HMGCLL1: variants seen among roughly 807,000 people sequenced by gnomAD.
HMGCLL1 encodes 3-hydroxy-3-methylglutaryl-CoA lyase like 1, also known as 3-hydroxymethyl-3-methylglutaryl-CoA lyase, cytoplasmic.
HMGCLL1 carries 36 observed loss-of-function variants against 39.1 expected under a neutral mutation model. The observed-to-expected ratio is 0.92, with a 90% CI of 0.71 to 1.22. HMGCLL1 has a LOEUF of 1.22. Among genes scored for constraint, HMGCLL1 ranks in the 50% most tolerant of loss-of-function variants. The pLI is 0.00. For synonymous variants in HMGCLL1, 149 were observed against 144.0 expected (o/e 1.03, Z -0.25); for missense variants, 451 against 416.5 (o/e 1.08, Z -0.72).
chr6:55,573,834 T>G (rs143981753), intron 1 of HMGCLL1, among the ~76,000 whole-genome samples: 200 of 152,156 alleles, frequency 1.3e-3, no homozygotes, highest in African/African-American at 4.5e-3. Context: ...AAGTCATAGA[T>G]CCAAGAAGTG....
intron 1 of HMGCLL1, among the ~76,000 whole-genome samples, chr6:55,546,922 C>T (rs970885540): frequency 2.0e-5 from 3 of 151,976 alleles, no homozygotes; most frequent in South Asian, 4.2e-4. Flanking sequence ...CGTATGCCCA[C>T]GTTTGGCATC....
chr6:55,542,239 C>A, intron 1 of HMGCLL1, 99 bp from the exon 2 acceptor site: 1 of 638,950 alleles, frequency 1.6e-6, no homozygotes, highest in Admixed American at 3.2e-5. Context: ...TACTCTTACC[C>A]CAGAGAATTA....
In HMGCLL1 at chr6:55,483,463, A is replaced by G. The variant is rs1765844995; in HGVS notation, c.795+11956T>C. The stretch of plus-strand genomic sequence containing the variant: ...GTATTTTTAGTAGAGACGGGGTTTT[A>G]CCATGTTGCCAGGATGGTCCCGATC... On this transcript the variant is annotated intron_variant, in intron 7 of 8. Coordinates refer to ENST00000274901, the MANE Select transcript of HMGCLL1 (RefSeq NM_001042406.2). Among the ~76,000 whole-genome samples the G allele has an allele frequency of 2.0e-5, 3 of 152,142 alleles. No homozygotes were observed. The South Asian group carries it at 6.2e-4, about 32-fold the overall frequency.
the HMGCLL1 span, among the ~76,000 whole-genome samples, chr6:55,600,639 A>G: frequency 6.6e-6 from 1 of 152,116 alleles, no homozygotes; most frequent in Non-Finnish European, 1.5e-5. Flanking sequence ...ATATTAATCA[A>G]GATATGCAAT....
intron 7 of HMGCLL1, among the ~76,000 whole-genome samples, chr6:55,476,912 A>T (rs532074316): frequency 6.7e-6 from 1 of 149,820 alleles, no homozygotes; most frequent in Non-Finnish European, 1.5e-5. Flanking sequence ...ACTGCATCTA[A>T]CATCACACGG....
At chr6:55,515,319 A>T (rs1767679787) in intron 4 of HMGCLL1, among the ~76,000 whole-genome samples, 1 of 151,988 alleles carries the variant, frequency 6.6e-6, no homozygotes, top group Non-Finnish European at 1.5e-5. Flanking sequence ...TTCCTCAAAC[A>T]TTTAAAAAAT....
chr6:55,662,777 A>C, the HMGCLL1 span, among the ~76,000 whole-genome samples: 9 of 151,636 alleles, frequency 5.9e-5, no homozygotes, highest in Non-Finnish European at 8.8e-5. Context: ...TTCTTTGTAC[A>C]TCTGGTAGAA....
intron 3 of HMGCLL1, among the ~76,000 whole-genome samples, chr6:55,538,742 A>G (rs1769170606): frequency 1.3e-5 from 2 of 152,162 alleles, no homozygotes; most frequent in Admixed American, 1.3e-4. Flanking sequence ...AAATGGGTGT[A>G]CAGTGATAAG....
At chr6:55,572,901 G>T (rs556990980) in intron 1 of HMGCLL1, among the ~76,000 whole-genome samples, 1 of 152,232 alleles carries the variant, frequency 6.6e-6, no homozygotes, top group South Asian at 2.1e-4. Flanking sequence ...AATATACTAT[G>T]CAGGAGAAAA....
At chr6:55,599,818 T>G in the HMGCLL1 span, among the ~76,000 whole-genome samples, 2 of 152,216 alleles carry the variant, frequency 1.3e-5, no homozygotes, top group Admixed American at 1.3e-4. Context: ...TGAAAACAAA[T>G]GTACTGCCAC....
chr6:55,636,591 C>A, the HMGCLL1 span, among the ~76,000 whole-genome samples: 2 of 152,096 alleles, frequency 1.3e-5, no homozygotes, highest in Non-Finnish European at 2.9e-5. Flanking sequence ...TAACTCTAAG[C>A]AATGAGCTGT....
chr6:55,455,772 T>G (rs2127392296), intron 7 of HMGCLL1, among the ~76,000 whole-genome samples: 1 of 152,316 alleles, frequency 6.6e-6, no homozygotes, highest in African/African-American at 2.4e-5. Context: ...GCCTTGCCAC[T>G]GAAGTATTAA....
the HMGCLL1 span, among the ~76,000 whole-genome samples, chr6:55,669,135 T>C: frequency 6.7e-6 from 1 of 148,596 alleles, no homozygotes; most frequent in African/African-American, 2.5e-5. Flanking sequence ...AAAAAAGAAA[T>C]GTTTTATTAA....
intron 1 of HMGCLL1, among the ~76,000 whole-genome samples, chr6:55,556,245 A>T (rs1770659966): frequency 6.6e-6 from 1 of 152,224 alleles, no homozygotes; most frequent in South Asian, 2.1e-4. Context: ...TGTTATAAAA[A>T]CAAAGAAATC....
At chr6:55,538,489 G>A (rs868261188) in intron 3 of HMGCLL1, among the ~76,000 whole-genome samples, 2 of 152,254 alleles carry the variant, frequency 1.3e-5, no homozygotes, top group Middle Eastern at 3.4e-3. Flanking sequence ...ATGGTGGCTA[G>A]TGAAATAATA....
At chr6:55,584,926 C>T in the HMGCLL1 span, among the ~76,000 whole-genome samples, 1 of 151,690 alleles carries the variant, frequency 6.6e-6, no homozygotes, top group Non-Finnish European at 1.5e-5. Flanking sequence ...ACAATGAGAA[C>T]AACCTGGCTA....
At chr6:55,495,249 A>G (rs915695078) in intron 7 of HMGCLL1, among the ~76,000 whole-genome samples, 170 bp downstream of exon 7, 1 of 152,248 alleles carries the variant, frequency 6.6e-6, no homozygotes, top group Non-Finnish European at 1.5e-5. Context: ...CCCTAAAAAA[A>G]TGTGAAATTG....
intron 3 of HMGCLL1, among the ~76,000 whole-genome samples, chr6:55,535,544 T>A (rs1169237847): frequency 6.6e-6 from 1 of 152,118 alleles, no homozygotes; most frequent in Non-Finnish European, 1.5e-5. Context: ...AAAATAGTGT[T>A]CTATGCACAG....
chr6:55,609,803 C>A, the HMGCLL1 span, among the ~76,000 whole-genome samples: 1 of 152,096 alleles, frequency 6.6e-6, no homozygotes, highest in Non-Finnish European at 1.5e-5. Context: ...CCCTTGAGGT[C>A]AGAGATCCCA....
Sources: gnomAD v4.1 joint callset for allele counts (sites outside exome capture counted in the v4.1 genomes callset) on GRCh38, gnomAD v4.1.1 for gene constraint, MANE v1.5 for transcripts, NCBI Gene and HGNC (gene_info 2026-07-23, HGNC 2026-07-21) for gene names.